MAP6D1: variants seen among roughly 807,000 people sequenced by gnomAD.
MAP6D1 encodes the protein MAP6 domain containing 1.
MAP6D1 carries 13 observed loss-of-function variants against 17.4 expected under a neutral mutation model. The observed-to-expected ratio is 0.75, with a 90% CI of 0.49 to 1.19. MAP6D1 has a LOEUF of 1.19. Among genes scored for constraint, MAP6D1 ranks in the 50% most tolerant of loss-of-function variants. The pLI is 0.00. For synonymous variants in MAP6D1, 141 were observed against 145.7 expected (o/e 0.97, Z 0.23); for missense variants, 313 against 312.6 (o/e 1.00, Z -0.01).
Position 183,817,233 on chromosome 3 carries a change from G to A in MAP6D1, c.*123C>T, listed in dbSNP as rs1222198647. ...GCACTTTGGCCCTGGTGACAGCTTTGAGAGGGGCTGTGCCCTCCCGCAGGG... is the reference window on the plus strand; with the variant it reads ...GCACTTTGGCCCTGGTGACAGCTTTAAGAGGGGCTGTGCCCTCCCGCAGGG... On this transcript the variant is annotated 3_prime_UTR_variant, in exon 3 of 3. Transcript: ENST00000318631. The A allele has an allele frequency of 1.0e-6, 1 of 970,626 alleles. No homozygotes were observed. The highest frequency in any genetic ancestry group is 1.6e-6 in the Non-Finnish European group (1 of 634,586). 60.1% of individuals were successfully genotyped at this position (970,626 alleles called of 1,614,324 possible).
intron 2 of MAP6D1, among the ~76,000 whole-genome samples, 161 bp from the exon 3 acceptor site, chr3:183,817,597 C>T (rs374614939): frequency 5.3e-5 from 8 of 152,172 alleles, no homozygotes; most frequent in East Asian, 1.9e-4. Flanking sequence ...GAGCCATAGG[C>T]GTCACTGCAT....
At position 183,818,105 on chromosome 3, in the gene MAP6D1, T is replaced by C. The variant is rs201705998; in HGVS notation, c.408A>G (p.Glu136=). The C allele has an allele frequency of 7.4e-6, 12 of 1,613,972 alleles. No homozygotes were observed. In the East Asian group the frequency reaches 2.0e-4, roughly 27 times the overall value. ...GCTTCACTCCAGTCCAAGCCTGGAA[T>C]TCCTGTCTGGAACAGAGAACACGGT... ...AAAVTTSYRQ[E]FQAWTGVKPS... The change falls in exon 2 of 3, where the codon GAA becomes GAG. Residue 136 remains glutamate (E), a synonymous_variant. Transcript: ENST00000318631.
intron 1 of MAP6D1, among the ~76,000 whole-genome samples, chr3:183,821,024 G>T (rs1938803156): frequency 6.6e-6 from 1 of 151,956 alleles, no homozygotes; most frequent in Non-Finnish European, 1.5e-5. Flanking sequence ...GAACCCGGGA[G>T]GCGGAGGTTG....
rs2108561487 is a variant in MAP6D1, at chr3:183,818,111, T to C, written c.402A>G (p.Arg134=). 1 of 1,613,354 alleles carries C rather than the reference T, an allele frequency of 6.2e-7. No homozygotes were observed. The highest frequency in any genetic ancestry group is 1.3e-5 in the African/African-American group (1 of 74,998). The change falls in exon 2 of 3, where the codon AGA becomes AGG. Residue 134 remains arginine (R), a splice_region_variant and synonymous_variant. Coordinates refer to ENST00000318631, the MANE Select transcript of MAP6D1 (RefSeq NM_024871.4). The part of the protein sequence containing the change: ...DAAAAVTTSY[R]QEFQAWTGVK... ...CTCCAGTCCAAGCCTGGAATTCCTG[T>C]CTGGAACAGAGAACACGGTCACAAG...
rs775959153 is a variant in MAP6D1 at position 183,818,072 on chromosome 3, T to A, written c.441A>T (p.Arg147Ser). The A allele has an allele frequency of 1.2e-6, 2 of 1,614,100 alleles. No individual in the cohort carries two copies. Among genetic ancestry groups the A allele is most frequent in the South Asian group, 1.1e-5 (1 of 91,068 alleles). Residue 147 changes from arginine to serine, a missense_variant, in exon 2 of 3, where the codon AGA (arginine) becomes AGT (serine). Arg to Ser is a moderately radical substitution (Grantham distance 110). Transcript: ENST00000318631. ...FQAWTGVKPS[R>S]STKTKPARVI... ...CTCGGGCTGGTTTTGTCTTTGTGGA[T>A]CTTGAGGGCTTCACTCCAGTCCAAG...
chr3:183,825,350 G>A lies in MAP6D1; in HGVS notation c.198C>T (p.Leu66=), dbSNP rs1390870727. 3 of 1,438,476 alleles carry A rather than the reference G, an allele frequency of 2.1e-6. No homozygotes were observed. The East Asian group carries it at 9.2e-5, about 44-fold the overall frequency. 89.1% of individuals were successfully genotyped at this position (1,438,476 alleles called of 1,614,324 possible). Residue 66 remains leucine, a synonymous_variant, in exon 1 of 3, where the codon CTC becomes CTT. Coordinates refer to ENST00000318631, the MANE Select transcript of MAP6D1 (RefSeq NM_024871.4). ...GARDSGRDVP[L]TQYQRDFGLW... is the part of the protein sequence containing the mutation. The stretch of plus-strand genomic sequence containing the variant: ...AGCCGAAGTCCCGCTGGTACTGAGT[G>A]AGCGGCACGTCCCGGCCGGAATCCC...
chr3:183,818,109 T>C lies in MAP6D1; in HGVS notation c.404A>G (p.Gln135Arg). Residue 135 changes from glutamine to arginine, a missense_variant and splice_region_variant, in exon 2 of 3, where the codon CAG becomes CGG. Gln to Arg is a conservative substitution (Grantham distance 43, BLOSUM62 1). Coordinates refer to ENST00000318631, the MANE Select transcript of MAP6D1 (RefSeq NM_024871.4). ...CACTCCAGTCCAAGCCTGGAATTCC[T>C]GTCTGGAACAGAGAACACGGTCACA... ...AAAAVTTSYR[Q>R]EFQAWTGVKP... The C allele has an allele frequency of 6.2e-7, 1 of 1,610,750 alleles. No individual in the cohort carries two copies. Among genetic ancestry groups the C allele is most frequent in the Non-Finnish European group, 8.5e-7 (1 of 1,176,958 alleles).
chr3:183,820,326 G>A (rs1175184548), intron 1 of MAP6D1: 1 of 152,308 alleles, frequency 6.6e-6, no homozygotes, highest in Admixed American at 6.5e-5. Context: ...CCCAGAGCTG[G>A]AAGGTGGGGG....
At chr3:183,824,077 A>AT (rs1258627140) in intron 1 of MAP6D1, among the ~76,000 whole-genome samples, 3 of 152,190 alleles carry the variant, frequency 2.0e-5, no homozygotes, top group African/African-American at 7.2e-5. Context: ...TCAGTATCCC[A>AT]TTTCATGGCT....
At chr3:183,819,297 G>A (rs562795857) in intron 1 of MAP6D1, among the ~76,000 whole-genome samples, 74 of 152,384 alleles carry the variant, frequency 4.9e-4, no homozygotes, top group East Asian at 1.9e-3. Flanking sequence ...TCCCGAAGCC[G>A]CGAGCTTCTG....
chr3:183,823,060 A>C (rs1300320499), intron 1 of MAP6D1, among the ~76,000 whole-genome samples: 1 of 152,176 alleles, frequency 6.6e-6, no homozygotes, highest in Non-Finnish European at 1.5e-5. Context: ...AGTGGCACAA[A>C]CACTGCTCAC....
chr3:183,818,875 G>C (rs10428248), intron 1 of MAP6D1, among the ~76,000 whole-genome samples: 40,450 of 151,950 alleles, frequency 0.27, 6,673 homozygotes, highest in African/African-American at 0.46. Context: ...CCTGGAGGGA[G>C]AGGATGAGGC....
Position 183,825,300 on chromosome 3 carries a change from T to G in MAP6D1, c.248A>C (p.Lys83Thr). 7.5e-7 allele frequency: 1 copy of G among 1,338,182 alleles called. No individual in the cohort carries two copies. Among genetic ancestry groups the G allele is most frequent in the South Asian group, 2.1e-5 (1 of 47,404 alleles). The allele number at this position is 1,338,182 out of a possible 1,614,324, so 82.9% of individuals were successfully genotyped here. A position where few individuals can be genotyped will look rare whatever the true frequency, so the allele number is the denominator to read the frequency against. The change falls in exon 1 of 3, where the codon AAG becomes ACG. Residue 83 changes from lysine to threonine, a missense_variant. Transcript: ENST00000318631. ...FGLWTTPAGP[K>T]DPPPGRGPGA... is the part of the protein sequence containing the mutation. ...CGGTCCGCGCCCCGGCGGCGGATCC[T>G]TGGGCCCGGCGGGCGTGGTCCACAA...
intron 1 of MAP6D1, among the ~76,000 whole-genome samples, chr3:183,821,026 C>T (rs1374660911): frequency 4.6e-5 from 7 of 150,880 alleles, no homozygotes; most frequent in East Asian, 2.0e-4. Flanking sequence ...ACCCGGGAGG[C>T]GGAGGTTGCA....
chr3:183,818,909 G>A (rs1025374901), intron 1 of MAP6D1, among the ~76,000 whole-genome samples: 7 of 152,110 alleles, frequency 4.6e-5, no homozygotes, highest in African/African-American at 1.4e-4. Context: ...TCCATGTACC[G>A]GGAGCAGCTT....
rs192175138 is a variant in MAP6D1, at chr3:183,817,288, G to A, written c.*68C>T. 1.2e-3 allele frequency: 1,707 copies of A among 1,467,992 alleles called. 25 individuals are homozygous for A. The Admixed American group carries it at 0.026, about 23-fold the overall frequency. The allele number at this position is 1,467,992 out of a possible 1,614,324, so 90.9% of individuals were successfully genotyped here. On this transcript the variant is annotated 3_prime_UTR_variant, in exon 3 of 3. Coordinates refer to ENST00000318631, the MANE Select transcript of MAP6D1 (RefSeq NM_024871.4). Reference sequence around the variant, plus strand: ...ATGCCATGCTCTCGCCCAGCCCCGCGGCAGTGGGTCCTGAGGCCGCTCCCC... The same window carrying A: ...ATGCCATGCTCTCGCCCAGCCCCGCAGCAGTGGGTCCTGAGGCCGCTCCCC...
chr3:183,823,588 G>A (rs540849002), intron 1 of MAP6D1, among the ~76,000 whole-genome samples: 14 of 151,920 alleles, frequency 9.2e-5, no homozygotes, highest in African/African-American at 2.4e-4. Context: ...GCGACAGAGC[G>A]AGACTCTGTC....
At chr3:183,820,665 T>C (rs1306133604) in intron 1 of MAP6D1, among the ~76,000 whole-genome samples, 2 of 151,212 alleles carry the variant, frequency 1.3e-5, no homozygotes, top group Non-Finnish European at 2.9e-5. Flanking sequence ...TTCAGGAGGC[T>C]GGGGCGGGCG....
rs1727101091 is a variant in MAP6D1, at chr3:183,816,306, A to G, written c.*1050T>C. The G allele has an allele frequency of 6.6e-6, 1 of 152,230 alleles. No homozygotes were observed. Among genetic ancestry groups the G allele is most frequent in the African/African-American group, 2.4e-5 (1 of 41,464 alleles). 9.4% of individuals were successfully genotyped at this position (152,230 alleles called of 1,614,324 possible). On this transcript the variant is annotated 3_prime_UTR_variant, in exon 3 of 3. Coordinates refer to ENST00000318631, the MANE Select transcript of MAP6D1 (RefSeq NM_024871.4). Reference sequence around the variant, plus strand: ...GAGAGGAAGAAAGATCCAAAGGGAAATCCACAAATTTCCTTACTGAAGACT... The same window carrying G: ...GAGAGGAAGAAAGATCCAAAGGGAAGTCCACAAATTTCCTTACTGAAGACT...
Sources: gnomAD v4.1 joint callset for allele counts (sites outside exome capture counted in the v4.1 genomes callset) on GRCh38, gnomAD v4.1.1 for gene constraint, MANE v1.5 for transcripts, NCBI Gene and HGNC (gene_info 2026-07-23, HGNC 2026-07-21) for gene names.